RLIM: variants seen among roughly 807,000 people sequenced by gnomAD.
RLIM encodes ring finger protein, LIM domain interacting.
In RLIM, 2 loss-of-function variants were observed where a neutral mutation model predicts 34.0. The observed-to-expected ratio is 0.06, with a 90% CI of 0.02 to 0.19. RLIM has a LOEUF of 0.19. Among genes scored for constraint, RLIM ranks in the 10% least tolerant of loss-of-function variants. The probability of loss-of-function intolerance (pLI) is 1.00; values close to 1 mark genes in which losing one functional copy is unlikely to be tolerated. For missense variants in RLIM, 286 were observed against 479.7 expected (o/e 0.60, Z 3.77); for synonymous variants, 169 against 164.0 (o/e 1.03, Z -0.23).
chrX:74,610,535 T>C (rs778309571), intron 1 of RLIM, among the ~76,000 whole-genome samples: 3 of 108,930 alleles, frequency 2.8e-5, no homozygotes, highest in South Asian at 3.9e-4. Context: ...ATACCAACTA[T>C]ATATGTCAGG....
rs1381181026 is a variant in RLIM at position 74,602,632 on chromosome X, G to A, written c.-23-6632C>T. ...CATGCCTGTAGTCCCAGCTACTCGGGAGGTTGAGGCAGGAGAATGGCATGA... is the reference window on the plus strand; with the variant it reads ...CATGCCTGTAGTCCCAGCTACTCGGAAGGTTGAGGCAGGAGAATGGCATGA... On this transcript the variant is annotated intron_variant, in intron 1 of 3. Transcript: ENST00000332687. Among the ~76,000 whole-genome samples, 24 of 111,790 alleles carry A rather than the reference G, an allele frequency of 2.1e-4. No homozygotes were observed. In the Admixed American group the frequency reaches 2.2e-3, roughly 10 times the overall value.
chrX:74,605,619 A>G (rs1481472372), intron 1 of RLIM, among the ~76,000 whole-genome samples: 4 of 112,145 alleles, frequency 3.6e-5, no homozygotes, highest in East Asian at 2.8e-4. Context: ...GTTATCTCAG[A>G]TAAGTCAGAA....
At chrX:74,611,973 T>A in intron 1 of RLIM, among the ~76,000 whole-genome samples, 1 of 112,025 alleles carries the variant, frequency 8.9e-6, no homozygotes. Flanking sequence ...TCCCAGTTTG[T>A]CGGGGACAAT....
Position 74,587,793 on chromosome X carries a change from A to G in RLIM, c.*3647T>C, listed in dbSNP as rs1569308550. 8.9e-6 allele frequency: 1 copy of G among 112,009 alleles called. No homozygotes were observed. Among genetic ancestry groups the G allele is most frequent in the Non-Finnish European group, 1.9e-5 (1 of 53,207 alleles). The allele number at this position is 112,009 out of a possible 1,213,427, so 9.2% of individuals were successfully genotyped here. On this transcript the variant is annotated 3_prime_UTR_variant, in exon 4 of 4. Coordinates refer to ENST00000332687, the MANE Select transcript of RLIM (RefSeq NM_016120.4). ...CATAAATATAATTTGAGACACTGAC[A>G]CTAGGAGAGGATACTTGGCACAGAA... is the stretch of plus-strand genomic sequence containing the variant.
intron 1 of RLIM, among the ~76,000 whole-genome samples, chrX:74,596,234 C>T (rs1404789760): frequency 2.7e-5 from 3 of 112,064 alleles, no homozygotes; most frequent in Admixed American, 1.9e-4. Context: ...TGGGCCAAAT[C>T]CAGCCATACT....
At chrX:74,610,577 CCAATTGAGGTATATTTAAAAAATACCT>C (rs2079705478) in intron 1 of RLIM, among the ~76,000 whole-genome samples, 1 of 110,330 alleles carries the variant, frequency 9.1e-6, no homozygotes, top group East Asian at 2.8e-4. Flanking sequence ...ATATATTCCC[CCAATTGAGGTATATTTAAAAAATACCT>C]CAATTGGCCA....
At position 74,583,096 on chromosome X, in the gene RLIM, T is replaced by C. The variant is rs1189164771; in HGVS notation, c.*8344A>G. On this transcript the variant is annotated 3_prime_UTR_variant, in exon 4 of 4. Transcript: ENST00000332687. ...GTGGTCCCTGATCAATTTTAAACAG[T>C]TGGAACACCGGTGGCACTGTTAACT... The C allele has an allele frequency of 8.6e-7, 1 of 1,167,233 alleles. No individual in the cohort carries two copies. The highest frequency in any genetic ancestry group is 1.8e-5 in the South Asian group (1 of 56,055).
rs769646725 is a variant in RLIM at position 74,590,562 on chromosome X, T to C, written c.*878A>G. The C allele has an allele frequency of 1.8e-5, 2 of 110,931 alleles. No homozygotes were observed. Among genetic ancestry groups the C allele is most frequent in the Admixed American group, 9.6e-5 (1 of 10,406 alleles). The allele number at this position is 110,931 out of a possible 1,213,427, so 9.1% of individuals were successfully genotyped here. ...GTAGCTGTTCACACATTAAATATTATAGATATGTTCTGCTCTTGACATCTA... is the reference window on the plus strand; with the variant it reads ...GTAGCTGTTCACACATTAAATATTACAGATATGTTCTGCTCTTGACATCTA... On this transcript the variant is annotated 3_prime_UTR_variant, in exon 4 of 4. Coordinates refer to ENST00000332687, the MANE Select transcript of RLIM (RefSeq NM_016120.4).
At chrX:74,610,137 C>G (rs1315985702) in intron 1 of RLIM, among the ~76,000 whole-genome samples, 1 of 112,476 alleles carries the variant, frequency 8.9e-6, no homozygotes, top group Non-Finnish European at 1.9e-5. Context: ...GGATTGGTGG[C>G]CAGGCGCGGT....
Position 74,586,173 on chromosome X carries a change from G to A in RLIM, c.*5267C>T, listed in dbSNP as rs1009646288. ...CTACATCCTTAAAAGCAGCACCAGG[G>A]ACAAATGGAGCTATCAAGAGGTAAA... On this transcript the variant is annotated 3_prime_UTR_variant, in exon 4 of 4. Transcript: ENST00000332687. 1.1e-4 allele frequency: 12 copies of A among 112,047 alleles called. No homozygotes were observed. The highest frequency in any genetic ancestry group is 3.9e-4 in the African/African-American group (12 of 30,801). The allele number at this position is 112,047 out of a possible 1,213,427, so 9.2% of individuals were successfully genotyped here. A position where few individuals can be genotyped will look rare whatever the true frequency, so the allele number is the denominator to read the frequency against.
chrX:74,606,444 T>A (rs1348768583), intron 1 of RLIM, among the ~76,000 whole-genome samples: 1 of 111,885 alleles, frequency 8.9e-6, no homozygotes, highest in Non-Finnish European at 1.9e-5. Context: ...CTTTGAGAAT[T>A]TTAAAGTATT....
chrX:74,601,711 GA>G (rs750899624), intron 1 of RLIM, among the ~76,000 whole-genome samples: 41 of 111,548 alleles, frequency 3.7e-4, no homozygotes, highest in African/African-American at 1.3e-3. Context: ...GGGACATCAG[GA>G]TAACACTGCT....
At position 74,592,489 on chromosome X, in the gene RLIM, A is replaced by G. The variant is rs768846788; in HGVS notation, c.826T>C (p.Ser276Pro). 16 of 1,210,048 alleles carry G rather than the reference A, an allele frequency of 1.3e-5. No homozygotes were observed. The East Asian group carries it at 3.8e-4, about 29-fold the overall frequency. Reference protein sequence around the residue: ...RHHVTLRQQISGPELLSRGLF... With the variant: ...RHHVTLRQQIPGPELLSRGLF... Reference sequence around the variant, plus strand: ...CCTCTACTTAGCAACTCAGGCCCAGATATTTGCTGCCTCAATGTCACATGG... The same window carrying G: ...CCTCTACTTAGCAACTCAGGCCCAGGTATTTGCTGCCTCAATGTCACATGG... The change falls in exon 4 of 4, where the codon TCT becomes CCT. Residue 276 changes from serine to proline, a missense_variant. Transcript: ENST00000332687.
Position 74,587,622 on chromosome X carries a change from A to C in RLIM, c.*3818T>G, listed in dbSNP as rs2079593644. The C allele has an allele frequency of 8.9e-6, 1 of 112,054 alleles. No individual in the cohort carries two copies. The highest frequency in any genetic ancestry group is 3.2e-5 in the African/African-American group (1 of 30,828). 9.2% of individuals were successfully genotyped at this position (112,054 alleles called of 1,213,427 possible). On this transcript the variant is annotated 3_prime_UTR_variant, in exon 4 of 4. Coordinates refer to ENST00000332687, the MANE Select transcript of RLIM (RefSeq NM_016120.4). Reference sequence around the variant, plus strand: ...TAGCAAGCTGTAAAAATGGCCTTTTAAGAGGAATTTTGCAATCTTTACCTC... The same window carrying C: ...TAGCAAGCTGTAAAAATGGCCTTTTCAGAGGAATTTTGCAATCTTTACCTC...
intron 1 of RLIM, among the ~76,000 whole-genome samples, chrX:74,613,775 C>T (rs1270527083): frequency 9.2e-6 from 1 of 108,889 alleles, no homozygotes; most frequent in Non-Finnish European, 1.9e-5. Flanking sequence ...CTCTCTTTTG[C>T]GGGGGGATCC....
intron 1 of RLIM, among the ~76,000 whole-genome samples, chrX:74,604,570 A>G (rs764534788): frequency 9.8e-5 from 11 of 111,695 alleles, no homozygotes; most frequent in Non-Finnish European, 1.3e-4. Context: ...AATACTCTAC[A>G]ATGTTCAATA....
intron 1 of RLIM, among the ~76,000 whole-genome samples, chrX:74,603,668 T>G (rs1435890007): frequency 1.8e-5 from 2 of 111,788 alleles, no homozygotes; most frequent in Admixed American, 1.9e-4. Context: ...TTTCCCTTAG[T>G]AATCTCTCTG....
At chrX:74,609,889 T>C (rs1032878116) in intron 1 of RLIM, among the ~76,000 whole-genome samples, 1 of 111,816 alleles carries the variant, frequency 8.9e-6, no homozygotes. Flanking sequence ...CTTTTGTCAT[T>C]CCAGAAAAAA....
At chrX:74,595,390 T>C (rs999140111) in intron 2 of RLIM, among the ~76,000 whole-genome samples, 13 of 112,096 alleles carry the variant, frequency 1.2e-4, no homozygotes, top group African/African-American at 4.2e-4. Context: ...AAACTTCTAA[T>C]TGCTATGTTA....
Sources: allele counts gnomAD v4.1 joint callset (sites outside exome capture counted in the v4.1 genomes callset), GRCh38; gene constraint gnomAD v4.1.1; transcripts MANE v1.5; gene names NCBI Gene and HGNC (gene_info 2026-07-23, HGNC 2026-07-21).